Variants in TOP1 observed in about 807,000 individuals in gnomAD.
TOP1 encodes the protein DNA topoisomerase 1.
A neutral mutation model predicts 111.1 loss-of-function variants in TOP1; 10 were observed. The ratio of observed to expected loss-of-function variants is 0.09; its 90% CI spans 0.06 to 0.15. The LOEUF (loss-of-function observed/expected upper bound fraction) is 0.15, where lower values mean the gene tolerates loss of function less well. TOP1 is among the 10% of genes least tolerant of loss of function. The probability of loss-of-function intolerance (pLI) is 1.00; values close to 1 mark genes in which losing one functional copy is unlikely to be tolerated. For synonymous variants in TOP1, 271 were observed against 302.9 expected (o/e 0.89, Z 1.10); for missense variants, 474 against 926.7 (o/e 0.51, Z 6.34).
intron 2 of TOP1, among the ~76,000 whole-genome samples, chr20:41,042,003 G>C (rs867703002): frequency 6.6e-6 from 1 of 152,016 alleles, no homozygotes; most frequent in African/African-American, 2.4e-5. Context: ...CCACCTCCTG[G>C]GTTCAAGCGA....
chr20:41,031,564 T>C (rs953576707), intron 2 of TOP1, among the ~76,000 whole-genome samples: 1 of 152,266 alleles, frequency 6.6e-6, no homozygotes, highest in African/African-American at 2.4e-5. Flanking sequence ...TAATAGCTAA[T>C]ATTTATTGAA....
In TOP1 at chr20:41,086,802, T is replaced by C. The variant is rs141694310; in HGVS notation, c.614+2234T>C. On this transcript the variant is annotated intron_variant, in intron 8 of 20. Coordinates refer to ENST00000361337, the MANE Select transcript of TOP1 (RefSeq NM_003286.4). ...AGACTTTGCTACAGCTTCTAACGCA[T>C]GCATTTCTCAGGTGTGATGGTTAAA... Among the ~76,000 whole-genome samples, 132 of 152,330 alleles carry C rather than the reference T, an allele frequency of 8.7e-4. No homozygotes were observed. In the East Asian group the frequency reaches 0.023, roughly 27 times the overall value.
chr20:41,087,195 C>T (rs1170853759), intron 8 of TOP1, among the ~76,000 whole-genome samples: 4 of 152,308 alleles, frequency 2.6e-5, no homozygotes, highest in South Asian at 2.1e-4. Context: ...GTCCAGGTCC[C>T]TCAGGGTTTC....
At chr20:41,074,634 G>A (rs1187165099) in intron 3 of TOP1, among the ~76,000 whole-genome samples, 4 of 152,092 alleles carry the variant, frequency 2.6e-5, no homozygotes, top group African/African-American at 7.2e-5. Flanking sequence ...TTGTGTGCAG[G>A]GTGTAATAGC....
At chr20:41,090,685 T>C (rs1285242700) in intron 8 of TOP1, among the ~76,000 whole-genome samples, 1 of 147,452 alleles carries the variant, frequency 6.8e-6, no homozygotes, top group Non-Finnish European at 1.5e-5. Context: ...GTATTTTTAG[T>C]AGAGACGGGG....
At chr20:41,088,929 T>C (rs748275397) in intron 8 of TOP1, among the ~76,000 whole-genome samples, 9 of 151,982 alleles carry the variant, frequency 5.9e-5, no homozygotes, top group Non-Finnish European at 1.0e-4. Context: ...TTCATATTGT[T>C]GTGCACCATC....
In TOP1 at chr20:41,067,550, C is replaced by G. The variant is rs1289749186; in HGVS notation, c.155+6060C>G. Among the ~76,000 whole-genome samples, 1 of 152,110 alleles carries G rather than the reference C, an allele frequency of 6.6e-6. No individual in the cohort carries two copies. Among genetic ancestry groups the G allele is most frequent in the Non-Finnish European group, 1.5e-5 (1 of 68,018 alleles). ...GGGATTATTTAATCACATCTGAACCCCAGAATAATTAGTATTTAGCATGTT... is the reference window on the plus strand; with the variant it reads ...GGGATTATTTAATCACATCTGAACCGCAGAATAATTAGTATTTAGCATGTT... On this transcript the variant is annotated intron_variant, in intron 3 of 20. Coordinates refer to ENST00000361337, the MANE Select transcript of TOP1 (RefSeq NM_003286.4). The surrounding 1 kb of genome is among the most constrained non-coding windows in gnomAD (Gnocchi z 4.0).
rs1464972661 is a variant in TOP1, at chr20:41,118,525, T to C, written c.1950+229T>C. On this transcript the variant is annotated intron_variant, in intron 18 of 20. Coordinates refer to ENST00000361337, the MANE Select transcript of TOP1 (RefSeq NM_003286.4). This position sits in a 1 kb window ranked among gnomAD's most constrained non-coding sequence, Gnocchi z 4.6. ...TATTCTACGCATAGAAGTTCTATAC[T>C]GGCCACTCCCTATTTTGAAAAACTA... Among the ~76,000 whole-genome samples, 1 of 152,262 alleles carries C rather than the reference T, an allele frequency of 6.6e-6. No individual in the cohort carries two copies. The highest frequency in any genetic ancestry group is 1.5e-5 in the Non-Finnish European group (1 of 68,040).
chr20:41,097,202 A>G lies in TOP1; in HGVS notation c.731-18A>G, dbSNP rs756238529. 1 of 1,608,080 alleles carries G rather than the reference A, an allele frequency of 6.2e-7. No individual in the cohort carries two copies. The highest frequency in any genetic ancestry group is 8.5e-7 in the Non-Finnish European group (1 of 1,178,614). ...ATGAATACTATACCTCACTTTTTGGAACCACTTTTTTCTCTAGGTAAAGTC... is the reference window on the plus strand; with the variant it reads ...ATGAATACTATACCTCACTTTTTGGGACCACTTTTTTCTCTAGGTAAAGTC... On this transcript the variant is annotated intron_variant, in intron 9 of 20. Coordinates refer to ENST00000361337, the MANE Select transcript of TOP1 (RefSeq NM_003286.4). This position sits in a 1 kb window ranked among gnomAD's most constrained non-coding sequence, Gnocchi z 4.2.
rs1183930591 is a variant in TOP1 at position 41,118,170 on chromosome 20, G to A, written c.1824G>A (p.Pro608=). Residue 608 remains proline, a splice_region_variant and synonymous_variant, in exon 18 of 21, where the codon CCG becomes CCA. Coordinates refer to ENST00000361337, the MANE Select transcript of TOP1 (RefSeq NM_003286.4). This position sits in a 1 kb window ranked among gnomAD's most constrained non-coding sequence, Gnocchi z 4.6. The part of the protein sequence containing the change: ...LQQQLKELTA[P]DENIPAKILS... ...GCTACCATGTTCCTTTCTTTACAGCGGATGAGAACATCCCAGCGAAGATCC... is the reference window on the plus strand; with the variant it reads ...GCTACCATGTTCCTTTCTTTACAGCAGATGAGAACATCCCAGCGAAGATCC... 9 of 1,613,168 alleles carry A rather than the reference G, an allele frequency of 5.6e-6. No homozygotes were observed. The South Asian group carries it at 7.7e-5, about 14-fold the overall frequency.
chr20:41,099,159 T>A (rs2034023929), intron 11 of TOP1, among the ~76,000 whole-genome samples: 1 of 152,240 alleles, frequency 6.6e-6, no homozygotes. Flanking sequence ...GACCATTGTA[T>A]TGATATAACT....
chr20:41,091,915 T>C (rs1349030738), intron 8 of TOP1, among the ~76,000 whole-genome samples: 1 of 152,222 alleles, frequency 6.6e-6, no homozygotes, highest in East Asian at 1.9e-4. Context: ...TTTCAAAAAG[T>C]TGTTCCCACT....
chr20:41,057,060 G>C (rs2033481933), intron 2 of TOP1, among the ~76,000 whole-genome samples: 1 of 152,066 alleles, frequency 6.6e-6, no homozygotes, highest in Admixed American at 6.6e-5. Context: ...GAGCTCAGGA[G>C]TTCGAGACCA....
At chr20:41,040,476 G>T (rs923959381) in intron 2 of TOP1, among the ~76,000 whole-genome samples, 2 of 152,162 alleles carry the variant, frequency 1.3e-5, no homozygotes, top group Non-Finnish European at 2.9e-5. Flanking sequence ...AACCAGGAGA[G>T]GAAAGGGAGG....
chr20:41,093,782 G>A (rs188394911), intron 9 of TOP1, among the ~76,000 whole-genome samples: 6 of 152,322 alleles, frequency 3.9e-5, no homozygotes, highest in African/African-American at 1.2e-4. Flanking sequence ...CACCAGTAGT[G>A]GCCTTAGGTC....
rs2033778342 is a variant in TOP1, at chr20:41,080,660, C to G, written c.431+480C>G. Among the ~76,000 whole-genome samples, 1 of 152,060 alleles carries G rather than the reference C, an allele frequency of 6.6e-6. No individual in the cohort carries two copies. The highest frequency in any genetic ancestry group is 1.5e-5 in the Non-Finnish European group (1 of 68,022). On this transcript the variant is annotated intron_variant, in intron 6 of 20. Transcript: ENST00000361337. The surrounding 1 kb of genome is among the most constrained non-coding windows in gnomAD (Gnocchi z 5.0). ...GAGATTAAATTATATTCATTATTTT[C>G]ACTCTTATATAGCTTACTATGCTAT...
At chr20:41,049,036 A>G (rs2033368652) in intron 2 of TOP1, among the ~76,000 whole-genome samples, 1 of 152,210 alleles carries the variant, frequency 6.6e-6, no homozygotes, top group Non-Finnish European at 1.5e-5. Flanking sequence ...AAGAAATTTA[A>G]ATGCGGAAGT....
chr20:41,080,944 G>A lies in TOP1; in HGVS notation c.432-221G>A, dbSNP rs1250601106. On this transcript the variant is annotated intron_variant, in intron 6 of 20. Coordinates refer to ENST00000361337, the MANE Select transcript of TOP1 (RefSeq NM_003286.4). The surrounding 1 kb of genome is among the most constrained non-coding windows in gnomAD (Gnocchi z 5.0). ...CACCCTATTTTGCTTCCAGGCCGGT[G>A]TAAGTGGTTTGTTTTGTTCTATATA... is the stretch of plus-strand genomic sequence containing the variant. Among the ~76,000 whole-genome samples the A allele has an allele frequency of 6.6e-6, 1 of 151,934 alleles. No homozygotes were observed. The highest frequency in any genetic ancestry group is 1.5e-5 in the Non-Finnish European group (1 of 67,992).
chr20:41,064,927 C>T (rs549436915), intron 3 of TOP1, among the ~76,000 whole-genome samples: 79 of 151,940 alleles, frequency 5.2e-4, no homozygotes, highest in African/African-American at 1.8e-3. Flanking sequence ...TTTTTTGAGA[C>T]GGAGTCTTAC....
Sources: allele counts gnomAD v4.1 joint callset (sites outside exome capture counted in the v4.1 genomes callset), GRCh38; gene constraint gnomAD v4.1.1; non-coding constraint Gnocchi (gnomAD v3.1); transcripts MANE v1.5; gene names NCBI Gene and HGNC (gene_info 2026-07-23, HGNC 2026-07-21).